Variants in WDFY2 observed in about 807,000 individuals in gnomAD.
The protein encoded by WDFY2 is WD repeat and FYVE domain-containing protein 2.
In WDFY2, 36 loss-of-function variants were observed where a neutral mutation model predicts 56.4. The observed-to-expected ratio is 0.64, with a 90% confidence interval of 0.49 to 0.84. The LOEUF (loss-of-function observed/expected upper bound fraction) is 0.84, where lower values mean the gene tolerates loss of function less well. WDFY2 is among the 40% of genes least tolerant of loss of function. The probability of loss-of-function intolerance (pLI) is 0.00; values close to 1 mark genes in which losing one functional copy is unlikely to be tolerated. For missense variants in WDFY2, 444 were observed against 512.2 expected, an observed-to-expected ratio of 0.87 and a Z score of 1.29; for synonymous variants, 176 against 183.7, an observed-to-expected ratio of 0.96 and a Z score of 0.34.
In WDFY2 at chr13:51,766,953, G is replaced by T. The variant is rs532294476; in HGVS notation, c.*7184G>T. ...TGCCAGGGAGAGCTGCTGTTTGGAG[G>T]TGAAGATGAGCCCTGTTCACCACAG... On this transcript the variant is annotated 3_prime_UTR_variant, in exon 12 of 12. Transcript: ENST00000298125. 2.0e-5 allele frequency: 3 copies of T among 152,334 alleles called. No homozygotes were observed. The highest frequency in any genetic ancestry group is 4.4e-5 in the Non-Finnish European group (3 of 68,130). The allele number at this position is 152,334 out of a possible 1,614,324, so 9.4% of individuals were successfully genotyped here.
At chr13:51,611,817 G>T (rs1954509260) in intron 1 of WDFY2, among the ~76,000 whole-genome samples, 1 of 152,164 alleles carries the variant, frequency 6.6e-6, no homozygotes, top group Non-Finnish European at 1.5e-5. Flanking sequence ...TCTGGGAAAG[G>T]AAAGTTCACT....
intron 1 of WDFY2, among the ~76,000 whole-genome samples, chr13:51,629,434 T>C (rs902407002): frequency 2.0e-5 from 3 of 152,242 alleles, no homozygotes; most frequent in Non-Finnish European, 4.4e-5. Flanking sequence ...AATTTCTCAA[T>C]TTAATATGAC....
intron 3 of WDFY2, among the ~76,000 whole-genome samples, chr13:51,682,182 T>G (rs991104048): frequency 6.6e-6 from 1 of 152,340 alleles, no homozygotes; most frequent in African/African-American, 2.4e-5. Context: ...AAGTCATTTA[T>G]GCACTATCTA....
chr13:51,681,352 C>A (rs1955973587), intron 3 of WDFY2, among the ~76,000 whole-genome samples: 1 of 152,078 alleles, frequency 6.6e-6, no homozygotes, highest in Admixed American at 6.5e-5. Flanking sequence ...TAGTGTGATA[C>A]CATTTATGAA....
At chr13:51,741,640 T>G (rs1473424990) in intron 7 of WDFY2, among the ~76,000 whole-genome samples, 1 of 152,212 alleles carries the variant, frequency 6.6e-6, no homozygotes, top group African/African-American at 2.4e-5. Flanking sequence ...CATTCAGTGA[T>G]TCTCGTATTT....
intron 1 of WDFY2, among the ~76,000 whole-genome samples, chr13:51,594,946 C>A (rs964512817): frequency 6.6e-6 from 1 of 152,244 alleles, no homozygotes; most frequent in Non-Finnish European, 1.5e-5. Context: ...TATTTTAAGA[C>A]TCACTTTGGA....
At chr13:51,748,978 T>C (rs183935047) in intron 7 of WDFY2, among the ~76,000 whole-genome samples, 1 of 152,098 alleles carries the variant, frequency 6.6e-6, no homozygotes, top group Non-Finnish European at 1.5e-5. Flanking sequence ...TACAATGGAG[T>C]TTTCCAGAAG....
chr13:51,680,433 T>C (rs1207971308), intron 3 of WDFY2, among the ~76,000 whole-genome samples: 8 of 152,182 alleles, frequency 5.3e-5, no homozygotes, highest in Non-Finnish European at 1.0e-4. Context: ...ACACCAGTCA[T>C]TGGATTTATG....
chr13:51,726,339 A>G (rs1033857892), intron 5 of WDFY2, among the ~76,000 whole-genome samples: 2 of 152,190 alleles, frequency 1.3e-5, no homozygotes, highest in African/African-American at 2.4e-5. Flanking sequence ...TTAATTCAGT[A>G]AGTCCCTTAT....
chr13:51,723,147 A>G (rs895601313), intron 5 of WDFY2, among the ~76,000 whole-genome samples: 12 of 152,192 alleles, frequency 7.9e-5, no homozygotes, highest in Non-Finnish European at 4.4e-5. Flanking sequence ...TGATTCTTCT[A>G]TCCCTTTTTG....
At chr13:51,666,043 T>C (rs1955694905) in intron 2 of WDFY2, among the ~76,000 whole-genome samples, 1 of 152,182 alleles carries the variant, frequency 6.6e-6, no homozygotes, top group Non-Finnish European at 1.5e-5. Context: ...CAAGTATGGA[T>C]ACCTACCATC....
intron 5 of WDFY2, among the ~76,000 whole-genome samples, chr13:51,724,439 A>T (rs934802326): frequency 6.6e-6 from 1 of 152,014 alleles, no homozygotes; most frequent in African/African-American, 2.4e-5. Context: ...GGGTTTCACT[A>T]TGTTGGCCAG....
chr13:51,597,911 G>A (rs1954182828), intron 1 of WDFY2, among the ~76,000 whole-genome samples: 1 of 152,152 alleles, frequency 6.6e-6, no homozygotes, highest in African/African-American at 2.4e-5. Flanking sequence ...AAATTCAGAA[G>A]GCTATGATGA....
intron 1 of WDFY2, among the ~76,000 whole-genome samples, chr13:51,636,078 G>A (rs1242887579): frequency 6.6e-6 from 1 of 151,982 alleles, no homozygotes; most frequent in Admixed American, 6.6e-5. Context: ...GCACAATTTT[G>A]TCTTCCCTTA....
intron 8 of WDFY2, among the ~76,000 whole-genome samples, chr13:51,753,939 A>C (rs1336914077): frequency 1.3e-5 from 2 of 151,944 alleles, no homozygotes; most frequent in Non-Finnish European, 2.9e-5. Context: ...ACAAAAAAAA[A>C]AAAATTAGCC....
chr13:51,604,160 T>C (rs1438511054), intron 1 of WDFY2, among the ~76,000 whole-genome samples: 18 of 152,220 alleles, frequency 1.2e-4, no homozygotes, highest in Non-Finnish European at 2.5e-4. Flanking sequence ...TAATGCACGC[T>C]GGAGCCAGTC....
intron 4 of WDFY2, among the ~76,000 whole-genome samples, chr13:51,704,388 A>G (rs1316699298): frequency 6.6e-6 from 1 of 152,236 alleles, no homozygotes; most frequent in Non-Finnish European, 1.5e-5. Flanking sequence ...GTGTTCTGGT[A>G]ACAGAATTGT....
intron 9 of WDFY2, among the ~76,000 whole-genome samples, chr13:51,755,841 T>G (rs1287173689): frequency 6.6e-6 from 1 of 152,246 alleles, no homozygotes; most frequent in Non-Finnish European, 1.5e-5. Context: ...TTAGATCTAC[T>G]TATAATACAG....
chr13:51,672,921 A>G (rs116874017), intron 2 of WDFY2, among the ~76,000 whole-genome samples: 3,175 of 152,306 alleles, frequency 0.021, 53 homozygotes, highest in Non-Finnish European at 0.032. Flanking sequence ...TGCTGAATTC[A>G]TTTATTATAG....
Sources: gnomAD v4.1 joint callset for allele counts (sites outside exome capture counted in the v4.1 genomes callset) on GRCh38, gnomAD v4.1.1 for gene constraint, MANE v1.5 for transcripts, NCBI Gene and HGNC (gene_info 2026-07-23, HGNC 2026-07-21) for gene names.